RBFOX1: variants seen among roughly 807,000 people sequenced by gnomAD.
The protein encoded by RBFOX1 is RNA binding protein fox-1 homolog 1.
Under a neutral mutation model 57.7 loss-of-function variants are expected in RBFOX1, and 8 were observed. The ratio of observed to expected loss-of-function variants is 0.14; its 90% confidence interval spans 0.08 to 0.25. RBFOX1 has a LOEUF of 0.25. Among genes scored for constraint, RBFOX1 ranks in the 10% least tolerant of loss-of-function variants. RBFOX1 has a pLI of 1.00. For missense variants in RBFOX1, 611 were observed against 548.5 expected, an observed-to-expected ratio of 1.11 and a Z score of -1.14; for synonymous variants, 326 against 222.4, an observed-to-expected ratio of 1.47 and a Z score of -4.15.
intron 4 of RBFOX1, among the ~76,000 whole-genome samples, chr16:7,124,988 G>A (rs973834124): frequency 1.3e-5 from 2 of 152,112 alleles, no homozygotes; most frequent in Admixed American, 6.5e-5. Flanking sequence ...GTCTGCTCAC[G>A]GACTGAGAGG....
chr16:6,431,892 G>GCTTTTCTTTCTTTCTTT lies in RBFOX1; in HGVS notation c.-64+114838_-64+114839insTTCTTTCTTTCTTTCTT, dbSNP rs1491491088. On this transcript the variant is annotated intron_variant, in intron 2 of 15. Transcript: ENST00000550418. ...AACATGTCCAGAAATATGCTTGCTT[G>GCTTTTCTTTCTTTCTTT]CTTGCTTTCTTTCTTTCTTTCTTTC... is the stretch of plus-strand genomic sequence containing the variant. Among the ~76,000 whole-genome samples the GCTTTTCTTTCTTTCTTT allele has an allele frequency of 9.1e-4, 108 of 118,228 alleles. 1 individual carries two copies. In the East Asian group the frequency reaches 0.015, roughly 17 times the overall value. 77.6% of individuals were successfully genotyped at this position (118,228 alleles called of 152,430 possible). A position where few individuals can be genotyped will look rare whatever the true frequency, so the allele number is the denominator to read the frequency against.
At chr16:6,461,750 T>C (rs1392013880) in intron 2 of RBFOX1, among the ~76,000 whole-genome samples, 1 of 152,190 alleles carries the variant, frequency 6.6e-6, no homozygotes, top group Non-Finnish European at 1.5e-5. Context: ...TTAGGTGAAC[T>C]GAAGAGAATG....
At chr16:7,124,973 T>G (rs2068122112) in intron 4 of RBFOX1, among the ~76,000 whole-genome samples, 1 of 152,076 alleles carries the variant, frequency 6.6e-6, no homozygotes, top group African/African-American at 2.4e-5. Context: ...GACTGGAAAG[T>G]ATGTGTCTGC....
chr16:7,600,816 A>G (rs1242784640), intron 9 of RBFOX1, among the ~76,000 whole-genome samples: 2 of 152,378 alleles, frequency 1.3e-5, no homozygotes, highest in East Asian at 1.9e-4. Flanking sequence ...AGAGGGTTAC[A>G]GTTAATAACA....
At chr16:7,699,795 G>T (rs892070115) in intron 14 of RBFOX1, among the ~76,000 whole-genome samples, 11 of 151,848 alleles carry the variant, frequency 7.2e-5, no homozygotes, top group Non-Finnish European at 1.2e-4. Context: ...TCTTGCATGT[G>T]TGGCTTTTAT....
intron 1 of RBFOX1, among the ~76,000 whole-genome samples, chr16:5,339,470 G>GGTTT (rs1567354925): frequency 1.7e-4 from 7 of 40,854 alleles, no homozygotes; most frequent in Admixed American, 4.7e-4. Flanking sequence ...CTTTTTCCGT[G>GGTTT]TTTTTTTTTT....
chr16:5,577,754 A>T (rs1439535660), intron 2 of RBFOX1, among the ~76,000 whole-genome samples: 1 of 152,086 alleles, frequency 6.6e-6, no homozygotes, highest in Non-Finnish European at 1.5e-5. Flanking sequence ...ATATTCCTGA[A>T]AAAACTAAAA....
chr16:6,830,699 G>T (rs1159508464), intron 3 of RBFOX1, among the ~76,000 whole-genome samples: 2 of 152,168 alleles, frequency 1.3e-5, no homozygotes, highest in Non-Finnish European at 2.9e-5. Flanking sequence ...TCTTGGTTAA[G>T]AAACGTTGCT....
At chr16:6,636,270 A>C (rs1050771234) in intron 2 of RBFOX1, among the ~76,000 whole-genome samples, 2 of 152,110 alleles carry the variant, frequency 1.3e-5, no homozygotes, top group African/African-American at 4.8e-5. Flanking sequence ...TCCCGGGTTC[A>C]TGCCATTCTC....
At chr16:6,957,922 G>T (rs1313083625) in intron 3 of RBFOX1, among the ~76,000 whole-genome samples, 1 of 152,064 alleles carries the variant, frequency 6.6e-6, no homozygotes, top group Non-Finnish European at 1.5e-5. Flanking sequence ...GGACATCTGT[G>T]ACCTAGCCCG....
intron 10 of RBFOX1, among the ~76,000 whole-genome samples, chr16:7,610,377 A>G (rs981676840): frequency 6.0e-5 from 9 of 149,306 alleles, no homozygotes; most frequent in African/African-American, 7.4e-5. Flanking sequence ...CAGCCTGTTT[A>G]TTTATTTTTT....
intron 3 of RBFOX1, among the ~76,000 whole-genome samples, chr16:5,756,452 G>C (rs901122239): frequency 6.6e-6 from 1 of 152,080 alleles, no homozygotes; most frequent in Non-Finnish European, 1.5e-5. Flanking sequence ...CCTTTGCGGT[G>C]GAGTTTGTCA....
chr16:7,207,478 C>A (rs535210651), intron 4 of RBFOX1, among the ~76,000 whole-genome samples: 6 of 152,252 alleles, frequency 3.9e-5, no homozygotes, highest in African/African-American at 1.2e-4. Context: ...AGTGCAACCC[C>A]CGGACTGGCC....
intron 1 of RBFOX1, among the ~76,000 whole-genome samples, chr16:5,252,170 C>T (rs1034515352): frequency 6.6e-6 from 1 of 152,196 alleles, no homozygotes; most frequent in African/African-American, 2.4e-5. Flanking sequence ...GGTGGGGACC[C>T]TCATCACAGC....
intron 3 of RBFOX1, among the ~76,000 whole-genome samples, chr16:6,908,374 G>T (rs773977038): frequency 6.6e-6 from 1 of 152,000 alleles, no homozygotes; most frequent in African/African-American, 2.4e-5. Flanking sequence ...ACCCCGATGT[G>T]TGTCTGTCTG....
chr16:7,259,021 A>T (rs2094811294), intron 4 of RBFOX1, among the ~76,000 whole-genome samples: 1 of 152,196 alleles, frequency 6.6e-6, no homozygotes. Flanking sequence ...CCCCTCTTCA[A>T]ACTAGTGATC....
chr16:7,133,099 T>C (rs367839917), intron 4 of RBFOX1, among the ~76,000 whole-genome samples: 30 of 152,344 alleles, frequency 2.0e-4, no homozygotes, highest in African/African-American at 6.0e-4. Context: ...TTTTTTGATA[T>C]TATGGTTTGT....
At position 6,950,981 on chromosome 16, in the gene RBFOX1, T is replaced by C. The variant is rs567410547; in HGVS notation, c.-15-101076T>C. Among the ~76,000 whole-genome samples, 9 of 151,946 alleles carry C rather than the reference T, an allele frequency of 5.9e-5. No individual in the cohort carries two copies. The South Asian group carries it at 1.9e-3, about 32-fold the overall frequency. ...AGTGCAGTGGCATGATCACAGCTCATTGCAGCCTCAAACTTCTAGGCTCCA... is the reference window on the plus strand; with the variant it reads ...AGTGCAGTGGCATGATCACAGCTCACTGCAGCCTCAAACTTCTAGGCTCCA... On this transcript the variant is annotated intron_variant, in intron 3 of 15. Transcript: ENST00000550418.
intron 4 of RBFOX1, among the ~76,000 whole-genome samples, chr16:7,430,630 A>T (rs1044608381): frequency 1.3e-5 from 2 of 148,940 alleles, no homozygotes; most frequent in African/African-American, 5.0e-5. Flanking sequence ...ACTGCACACC[A>T]GCCTGGGTGA....
Sources: gnomAD v4.1 joint callset for allele counts (sites outside exome capture counted in the v4.1 genomes callset) on GRCh38, gnomAD v4.1.1 for gene constraint, MANE v1.5 for transcripts, NCBI Gene and HGNC (gene_info 2026-07-23, HGNC 2026-07-21) for gene names.